Variants in SHISA9 observed in about 807,000 individuals in gnomAD.
The protein encoded by SHISA9 is protein shisa-9.
SHISA9 carries 13 observed loss-of-function variants against 38.0 expected under a neutral mutation model. The observed-to-expected ratio is 0.34, with a 90% CI of 0.22 to 0.54. SHISA9 has a LOEUF of 0.54. SHISA9 is among the 20% of genes least tolerant of loss of function. The pLI, the probability that SHISA9 is intolerant of heterozygous loss-of-function variation, is 0.91. For synonymous variants in SHISA9, 275 were observed against 242.0 expected (o/e 1.14, Z -1.27); for missense variants, 538 against 575.8 (o/e 0.93, Z 0.67).
the SHISA9 span, among the ~76,000 whole-genome samples, chr16:13,537,025 T>G: frequency 6.6e-6 from 1 of 152,268 alleles, no homozygotes; most frequent in African/African-American, 2.4e-5. Flanking sequence ...GTTTCATAAC[T>G]CTGACATACC....
At chr16:13,144,079 G>A (rs1386099236) in intron 2 of SHISA9, among the ~76,000 whole-genome samples, 1 of 151,592 alleles carries the variant, frequency 6.6e-6, no homozygotes, top group Non-Finnish European at 1.5e-5. Context: ...AGGTATGGAT[G>A]ATCAAGAAGC....
chr16:12,951,671 G>A (rs2071759495), intron 2 of SHISA9, among the ~76,000 whole-genome samples: 1 of 152,138 alleles, frequency 6.6e-6, no homozygotes, highest in African/African-American at 2.4e-5. Context: ...AGGATCTGGG[G>A]GAGGAACCAC....
chr16:13,198,787 G>T (rs1174312180), intron 2 of SHISA9, among the ~76,000 whole-genome samples: 1 of 152,192 alleles, frequency 6.6e-6, no homozygotes, highest in Non-Finnish European at 1.5e-5. Flanking sequence ...CTGGAAGCTA[G>T]CACAAAATGG....
chr16:13,000,516 C>T (rs1242052530), intron 2 of SHISA9, among the ~76,000 whole-genome samples: 1 of 152,144 alleles, frequency 6.6e-6, no homozygotes, highest in African/African-American at 2.4e-5. Flanking sequence ...TGGCTCTGGG[C>T]TACTGCAGAT....
At chr16:13,247,681 G>A in the SHISA9 span, among the ~76,000 whole-genome samples, 8 of 152,132 alleles carry the variant, frequency 5.3e-5, no homozygotes, top group East Asian at 5.8e-4. Context: ...ATCCTAACTC[G>A]TGCTGTGTTG....
intron 2 of SHISA9, among the ~76,000 whole-genome samples, chr16:12,962,566 G>A (rs1473784138): frequency 8.5e-5 from 13 of 152,204 alleles, no homozygotes; most frequent in Admixed American, 8.5e-4. Flanking sequence ...AAGAGAAAGA[G>A]CAGAGTTTTC....
chr16:13,473,349 C>CTTTTTTTTTTTTTTTTTTTTTTTTTTTTT, the SHISA9 span, among the ~76,000 whole-genome samples: 37 of 73,876 alleles, frequency 5.0e-4, no homozygotes, highest in East Asian at 8.0e-4. Context: ...TTCTTTCTTT[C>CTTTTTTTTTTTTTTTTTTTTTTTTTTTTT]TTTTTTTTTT....
intron 2 of SHISA9, among the ~76,000 whole-genome samples, chr16:13,120,983 A>G (rs1482092479): frequency 6.6e-6 from 1 of 152,000 alleles, no homozygotes; most frequent in Non-Finnish European, 1.5e-5. Context: ...GAGTCTTCCC[A>G]TCACTATACT....
At chr16:13,513,246 C>T in the SHISA9 span, among the ~76,000 whole-genome samples, 1 of 152,160 alleles carries the variant, frequency 6.6e-6, no homozygotes. Flanking sequence ...AGCCAACAAA[C>T]ATATGAGAAA....
the SHISA9 span, among the ~76,000 whole-genome samples, chr16:13,367,709 C>CGT: frequency 3.0e-5 from 3 of 100,634 alleles, no homozygotes; most frequent in South Asian, 4.0e-4. Context: ...CGCGCGCGCG[C>CGT]GCGCACACAC....
chr16:13,104,343 C>G (rs2073906524), intron 2 of SHISA9, among the ~76,000 whole-genome samples: 1 of 152,040 alleles, frequency 6.6e-6, no homozygotes, highest in Admixed American at 6.6e-5. Context: ...CGATTTCCCT[C>G]CTAGGCATCC....
At chr16:13,320,014 C>T in the SHISA9 span, among the ~76,000 whole-genome samples, 150 of 151,464 alleles carry the variant, frequency 9.9e-4, no homozygotes, top group Non-Finnish European at 1.9e-3. Flanking sequence ...GCAAAACAGC[C>T]GGGCACGGTG....
the SHISA9 span, among the ~76,000 whole-genome samples, chr16:13,393,969 C>A: frequency 6.6e-6 from 1 of 152,206 alleles, no homozygotes; most frequent in Admixed American, 6.5e-5. Context: ...CTCTTTGCCA[C>A]GGTGCTCTAC....
chr16:13,131,633 A>T (rs1454798626), intron 2 of SHISA9, among the ~76,000 whole-genome samples: 1 of 151,974 alleles, frequency 6.6e-6, no homozygotes, highest in Non-Finnish European at 1.5e-5. Context: ...AGTTGATGGA[A>T]AAAAAAAGGT....
intron 2 of SHISA9, among the ~76,000 whole-genome samples, chr16:13,131,065 A>C (rs938651591): frequency 5.9e-5 from 9 of 151,854 alleles, no homozygotes; most frequent in Non-Finnish European, 1.2e-4. Context: ...GATTCCTCAG[A>C]GATCTAGAAG....
the SHISA9 span, among the ~76,000 whole-genome samples, chr16:13,393,378 T>G: frequency 6.6e-6 from 1 of 152,218 alleles, no homozygotes; most frequent in South Asian, 2.1e-4. Flanking sequence ...TTTCCCCAAA[T>G]GTCTCACCAA....
At chr16:13,420,245 CAAAAAAAAAAAAAAAAAA>C in the SHISA9 span, among the ~76,000 whole-genome samples, 1 of 50,392 alleles carries the variant, frequency 2.0e-5, no homozygotes, top group Non-Finnish European at 3.3e-5. Flanking sequence ...GAATCTGTTT[CAAAAAAAAAAAAAAAAAA>C]AAAAAAAAAA....
chr16:13,265,252 C>T, the SHISA9 span, among the ~76,000 whole-genome samples: 184 of 123,712 alleles, frequency 1.5e-3, 3 homozygotes, highest in African/African-American at 5.6e-3. Flanking sequence ...CCCTTTCTTC[C>T]CCTTCCCTTG....
chr16:13,385,289 T>A, the SHISA9 span, among the ~76,000 whole-genome samples: 1 of 152,240 alleles, frequency 6.6e-6, no homozygotes, highest in African/African-American at 2.4e-5. Flanking sequence ...ATTGTATTCT[T>A]GGGCATATCT....
Sources: gnomAD v4.1 joint callset for allele counts (sites outside exome capture counted in the v4.1 genomes callset) on GRCh38, gnomAD v4.1.1 for gene constraint, MANE v1.5 for transcripts, NCBI Gene and HGNC (gene_info 2026-07-23, HGNC 2026-07-21) for gene names.